Variants in PTH2R observed in about 807,000 individuals in gnomAD.
PTH2R encodes the protein PTH2 receptor.
In PTH2R, 59 loss-of-function variants were observed where a neutral mutation model predicts 60.3. That is an observed-to-expected ratio of 0.98 (90% CI 0.79 to 1.22). The LOEUF (loss-of-function observed/expected upper bound fraction) is 1.22, where lower values mean the gene tolerates loss of function less well. Ranked by LOEUF, PTH2R falls within the 50% of genes most tolerant of loss-of-function variation. The probability of loss-of-function intolerance (pLI) is 0.00; values close to 1 mark genes in which losing one functional copy is unlikely to be tolerated. For synonymous variants in PTH2R, 256 were observed against 243.8 expected (o/e 1.05, Z -0.47); for missense variants, 749 against 682.6 (o/e 1.10, Z -1.08).
At chr2:208,445,712 A>G (rs1350366597) in intron 7 of PTH2R, among the ~76,000 whole-genome samples, 1 of 152,174 alleles carries the variant, frequency 6.6e-6, no homozygotes, top group Non-Finnish European at 1.5e-5. Flanking sequence ...CAAAATAAGA[A>G]TATGCCTTTG....
intron 10 of PTH2R, among the ~76,000 whole-genome samples, chr2:208,484,685 C>A (rs1400311663): frequency 1.3e-5 from 2 of 152,128 alleles, no homozygotes; most frequent in Admixed American, 1.3e-4. Context: ...TAATGTTAGA[C>A]AAAACTCATA....
chr2:208,400,847 A>C, intron 1 of PTH2R, among the ~76,000 whole-genome samples: 1 of 152,196 alleles, frequency 6.6e-6, no homozygotes, highest in Non-Finnish European at 1.5e-5. Context: ...TGTCTCAGTA[A>C]GTATTTAACC....
At chr2:208,488,114 A>G (rs1366847046) in intron 10 of PTH2R, among the ~76,000 whole-genome samples, 1 of 152,200 alleles carries the variant, frequency 6.6e-6, no homozygotes, top group Non-Finnish European at 1.5e-5. Flanking sequence ...CAAATACTTA[A>G]GAAAACTTGT....
chr2:208,490,548 C>T, intron 11 of PTH2R, 91 bp from the exon 12 acceptor site: 1 of 1,259,904 alleles, frequency 7.9e-7, no homozygotes, highest in Non-Finnish European at 1.1e-6. Context: ...TCATAAAAAA[C>T]AATTTTTGGA....
chr2:208,484,061 C>T (rs542501399), intron 10 of PTH2R, among the ~76,000 whole-genome samples: 1 of 152,288 alleles, frequency 6.6e-6, no homozygotes, highest in South Asian at 2.1e-4. Context: ...ACTTATCTTC[C>T]ATTCTGTTAT....
intron 8 of PTH2R, among the ~76,000 whole-genome samples, chr2:208,455,255 A>T (rs576611897): frequency 6.6e-6 from 1 of 152,324 alleles, no homozygotes; most frequent in South Asian, 2.1e-4. Flanking sequence ...TAATGCTATC[A>T]TGATCATATT....
In PTH2R at chr2:208,459,893, A is replaced by G; in HGVS notation, c.915-2A>G. The G allele has an allele frequency of 5.6e-6, 9 of 1,611,700 alleles. No homozygotes were observed. The highest frequency in any genetic ancestry group is 7.6e-6 in the Non-Finnish European group (9 of 1,178,650). On this transcript the variant is annotated splice_acceptor_variant, in intron 8 of 12. Coordinates refer to ENST00000272847, the MANE Select transcript of PTH2R (RefSeq NM_005048.4). LOFTEE classifies it high-confidence loss of function. Reference sequence around the variant, plus strand: ...CATGACAGCTTTTTTTCAATGTCTCAGGTGCTGGGAACTTAGTGCTGGAGA... The same window carrying G: ...CATGACAGCTTTTTTTCAATGTCTCGGGTGCTGGGAACTTAGTGCTGGAGA...
intron 1 of PTH2R, among the ~76,000 whole-genome samples, chr2:208,377,426 C>T (rs1483635720): frequency 2.0e-5 from 3 of 151,746 alleles, no homozygotes; most frequent in Non-Finnish European, 4.4e-5. Context: ...CAGAGGGGCT[C>T]CTCACTTCCC....
chr2:208,384,526 C>T (rs1032080604), intron 1 of PTH2R, among the ~76,000 whole-genome samples: 4 of 152,120 alleles, frequency 2.6e-5, no homozygotes, highest in Admixed American at 6.5e-5. Flanking sequence ...GGAATGGGTC[C>T]CTTGATAAGA....
intron 8 of PTH2R, among the ~76,000 whole-genome samples, chr2:208,451,691 T>A (rs1386090297): frequency 1.3e-5 from 2 of 152,188 alleles, no homozygotes; most frequent in East Asian, 1.9e-4. Context: ...TTAAATATTT[T>A]AAAATAATAA....
At chr2:208,418,059 A>C (rs987837906) in intron 1 of PTH2R, among the ~76,000 whole-genome samples, 1 of 152,136 alleles carries the variant, frequency 6.6e-6, no homozygotes, top group African/African-American at 2.4e-5. Context: ...TGTCACCAAG[A>C]ATGACATTAA....
rs534374281 is a variant in PTH2R, at chr2:208,430,072, C to T, written c.178+1769C>T. 6.6e-5 allele frequency among the ~76,000 whole-genome samples: 10 copies of T among 152,238 alleles called. No individual in the cohort carries two copies. The East Asian group carries it at 7.7e-4, about 12-fold the overall frequency. ...CTCATTTTATTCCATCCCCTGCCAC[C>T]GCCAACTAGTATGGAAGATATGTAT... On this transcript the variant is annotated intron_variant, in intron 2 of 12. Coordinates refer to ENST00000272847, the MANE Select transcript of PTH2R (RefSeq NM_005048.4).
At chr2:208,415,237 A>T (rs1453023474) in intron 1 of PTH2R, among the ~76,000 whole-genome samples, 7 of 152,206 alleles carry the variant, frequency 4.6e-5, no homozygotes, top group South Asian at 2.1e-4. Flanking sequence ...ATATAAATAA[A>T]TTTTTTTTCT....
At chr2:208,458,469 T>TG (rs34860024) in intron 8 of PTH2R, among the ~76,000 whole-genome samples, 2 of 152,116 alleles carry the variant, frequency 1.3e-5, no homozygotes, top group Non-Finnish European at 2.9e-5. Context: ...ATTTTAGGTT[T>TG]GGGGGTACAT....
At chr2:208,420,791 A>G (rs749315659) in intron 1 of PTH2R, among the ~76,000 whole-genome samples, 1 of 152,126 alleles carries the variant, frequency 6.6e-6, no homozygotes, top group Non-Finnish European at 1.5e-5. Flanking sequence ...TGCAGATTCC[A>G]TTGGTTTTAT....
chr2:208,445,108 T>A (rs79002577), intron 7 of PTH2R, among the ~76,000 whole-genome samples: 7,713 of 152,262 alleles, frequency 0.051, 631 homozygotes, highest in African/African-American at 0.17. Context: ...TTGTGGATAG[T>A]GTTCTTAGGC....
intron 7 of PTH2R, 85 bp downstream of exon 7, chr2:208,444,972 G>T: frequency 2.2e-6 from 3 of 1,362,024 alleles, no homozygotes; most frequent in Non-Finnish European, 3.0e-6. Context: ...CATCCCTACA[G>T]CCATTTTCCT....
chr2:208,428,309 G>T lies in PTH2R; in HGVS notation c.178+6G>T. 1 of 1,603,884 alleles carries T rather than the reference G, an allele frequency of 6.2e-7. No homozygotes were observed. On this transcript the variant is annotated splice_donor_region_variant and intron_variant, in intron 2 of 12. Transcript: ENST00000272847. ...AGCTCAACTCCAGGAGGGAGGTAAA[G>T]ATGCCAAGAAAATTGGCTCTCCTTG...
At chr2:208,386,197 A>G (rs1053187739) in intron 1 of PTH2R, among the ~76,000 whole-genome samples, 2 of 152,238 alleles carry the variant, frequency 1.3e-5, no homozygotes, top group Non-Finnish European at 2.9e-5. Flanking sequence ...TGTTCTTGAC[A>G]TCATTTTAAG....
Sources: gnomAD v4.1 joint callset for allele counts (sites outside exome capture counted in the v4.1 genomes callset) on GRCh38, gnomAD v4.1.1 for gene constraint, MANE v1.5 for transcripts, NCBI Gene and HGNC (gene_info 2026-07-23, HGNC 2026-07-21) for gene names.